The following COL4A2 variants were observed in gnomAD, a reference collection of about 807,000 sequenced individuals.
The protein encoded by COL4A2 is collagen type IV alpha 2 chain, also known as collagen alpha-2(IV) chain.
A neutral mutation model predicts 200.2 loss-of-function variants in COL4A2; 99 were observed. The ratio of observed to expected loss-of-function variants is 0.49; its 90% CI spans 0.42 to 0.58. The LOEUF (loss-of-function observed/expected upper bound fraction) is 0.58, where lower values mean the gene tolerates loss of function less well. Among genes scored for constraint, COL4A2 ranks in the 20% least tolerant of loss-of-function variants. The probability of loss-of-function intolerance (pLI) is 0.00; values close to 1 mark genes in which losing one functional copy is unlikely to be tolerated. For synonymous variants in COL4A2, 897 were observed against 900.6 expected, an observed-to-expected ratio of 1.00 and a Z score of 0.07; for missense variants, 1,950 against 2,314.1, an observed-to-expected ratio of 0.84 and a Z score of 3.23.
chr13:110,378,935 C>T (rs1036404869), intron 4 of COL4A2, among the ~76,000 whole-genome samples: 1 of 152,174 alleles, frequency 6.6e-6, no homozygotes, highest in Non-Finnish European at 1.5e-5. Context: ...GCAGAGCCTC[C>T]GTGTCCCACC....
chr13:110,388,068 T>TG (rs1370410473), intron 4 of COL4A2, among the ~76,000 whole-genome samples: 5 of 152,172 alleles, frequency 3.3e-5, no homozygotes, highest in Non-Finnish European at 4.4e-5. Flanking sequence ...GACTTGACAG[T>TG]GCCACCTTTA....
In COL4A2 at chr13:110,493,079, ATGGG is replaced by A; in HGVS notation, c.3563-129_3563-126del. 1.4e-5 allele frequency: 12 copies of A among 860,488 alleles called. 1 individual carries two copies. The highest frequency in any genetic ancestry group is 4.2e-5 in the South Asian group (3 of 70,938). The allele number at this position is 860,488 out of a possible 1,614,324, so 53.3% of individuals were successfully genotyped here. On this transcript the variant is annotated intron_variant, in intron 38 of 47. Transcript: ENST00000360467. Reference sequence around the variant, plus strand: ...TGAAATAACGATGAGTGACACCCCCATGGGTGAAATAACGATGAGTGACACCCCC... The same window carrying A: ...TGAAATAACGATGAGTGACACCCCCATGAAATAACGATGAGTGACACCCCC...
intron 47 of COL4A2, among the ~76,000 whole-genome samples, chr13:110,509,693 G>A (rs995271108): frequency 6.6e-6 from 1 of 152,096 alleles, no homozygotes; most frequent in Non-Finnish European, 1.5e-5. Flanking sequence ...TTAGCATCAG[G>A]TTTCAAATGA....
chr13:110,385,450 C>T (rs61963173), intron 4 of COL4A2, among the ~76,000 whole-genome samples: 5,183 of 56,894 alleles, frequency 0.091, 621 homozygotes, highest in African/African-American at 0.16. Context: ...TAGACCGTGG[C>T]TGCAGTGTGT....
At chr13:110,464,604 G>A (rs1000288160) in intron 24 of COL4A2, among the ~76,000 whole-genome samples, 11 of 152,124 alleles carry the variant, frequency 7.2e-5, no homozygotes, top group Admixed American at 1.3e-4. Flanking sequence ...TCCCTGCCCC[G>A]CTCCGTCATG....
At chr13:110,464,507 C>T (rs768720112) in intron 24 of COL4A2, among the ~76,000 whole-genome samples, 1 of 152,198 alleles carries the variant, frequency 6.6e-6, no homozygotes, top group Non-Finnish European at 1.5e-5. Context: ...TCTGCAACAG[C>T]CTTGTGTCCC....
intron 3 of COL4A2, among the ~76,000 whole-genome samples, chr13:110,319,638 C>T (rs1044516311): frequency 1.1e-4 from 16 of 152,148 alleles, no homozygotes; most frequent in East Asian, 1.9e-4. Flanking sequence ...GGAAGATTCC[C>T]GCTGGAAATT....
intron 3 of COL4A2, 25 bp downstream of exon 3, chr13:110,308,148 A>G (rs1395204279): frequency 1.2e-6 from 2 of 1,612,452 alleles, no homozygotes; most frequent in Non-Finnish European, 1.7e-6. Context: ...CCGCGCTTGG[A>G]CTTGCGCGCC....
At chr13:110,357,676 G>A in intron 4 of COL4A2, 124 bp downstream of exon 4, 1 of 1,396,004 alleles carries the variant, frequency 7.2e-7, no homozygotes, top group Non-Finnish European at 9.7e-7. Context: ...ACATACTGGA[G>A]AGTACTCACA....
rs187578084 is a variant in COL4A2 at position 110,417,399 on chromosome 13, C to T, written c.181-7335C>T. 1.0e-3 allele frequency among the ~76,000 whole-genome samples: 155 copies of T among 152,246 alleles called. 3 individuals are homozygous for T. The East Asian group carries it at 0.02, about 20-fold the overall frequency. On this transcript the variant is annotated intron_variant, in intron 4 of 47. Transcript: ENST00000360467. ...AACCTGGAAGGGACATAATCTCGGT[C>T]GCCGGGCAACATGCCTGTGATGTCA...
rs763492467 is a variant in COL4A2 at position 110,503,492 on chromosome 13, G to A, written c.4138+11G>A. ...ACCCAGGATTCCCTGGTAAGTGACC[G>A]TCTGGTATCTTCAGAGCTAGTGGCT... On this transcript the variant is annotated intron_variant, in intron 43 of 47. Coordinates refer to ENST00000360467, the MANE Select transcript of COL4A2 (RefSeq NM_001846.4). 71 of 1,494,010 alleles carry A rather than the reference G, an allele frequency of 4.8e-5. No homozygotes were observed. The highest frequency in any genetic ancestry group is 3.3e-4 in the South Asian group (27 of 82,050). 92.5% of individuals were successfully genotyped at this position (1,494,010 alleles called of 1,614,324 possible).
At chr13:110,386,836 G>A (rs1433555171) in intron 4 of COL4A2, among the ~76,000 whole-genome samples, 1 of 152,136 alleles carries the variant, frequency 6.6e-6, no homozygotes, top group Non-Finnish European at 1.5e-5. Context: ...AAGGACGTGC[G>A]AAACCCAGGC....
At chr13:110,406,747 G>A (rs765663859) in intron 4 of COL4A2, among the ~76,000 whole-genome samples, 5 of 151,582 alleles carry the variant, frequency 3.3e-5, no homozygotes, top group African/African-American at 4.9e-5. Context: ...TTTTTTCTCC[G>A]TCACCTATTC....
intron 3 of COL4A2, among the ~76,000 whole-genome samples, chr13:110,333,346 G>A (rs904347901): frequency 2.0e-4 from 30 of 152,182 alleles, no homozygotes; most frequent in African/African-American, 6.8e-4. Flanking sequence ...TTGCAGCCCT[G>A]ATGTCCTGGG....
At chr13:110,418,195 T>C (rs914434940) in intron 4 of COL4A2, among the ~76,000 whole-genome samples, 1 of 152,220 alleles carries the variant, frequency 6.6e-6, no homozygotes, top group African/African-American at 2.4e-5. Context: ...TGCTCAAATC[T>C]TTTGCCAAAT....
chr13:110,510,806 T>C (rs1360697151), intron 47 of COL4A2, among the ~76,000 whole-genome samples: 2 of 152,186 alleles, frequency 1.3e-5, no homozygotes, highest in Non-Finnish European at 2.9e-5. Flanking sequence ...GGTGTCTCCT[T>C]TGGGCAGCTC....
chr13:110,312,921 A>G (rs1168778608), intron 3 of COL4A2, among the ~76,000 whole-genome samples: 1 of 152,230 alleles, frequency 6.6e-6, no homozygotes, highest in African/African-American at 2.4e-5. Context: ...TGATCAACAT[A>G]CCATGAGTAA....
At chr13:110,510,583 G>T (rs191215353) in intron 47 of COL4A2, among the ~76,000 whole-genome samples, 2 of 151,930 alleles carry the variant, frequency 1.3e-5, no homozygotes, top group Non-Finnish European at 2.9e-5. Context: ...ACTTATGCAC[G>T]TGTGTGCATA....
chr13:110,343,055 C>T (rs1043361395), intron 3 of COL4A2, among the ~76,000 whole-genome samples: 2 of 152,150 alleles, frequency 1.3e-5, no homozygotes, highest in East Asian at 1.9e-4. Flanking sequence ...TTAGCCTTAT[C>T]GACAGAGGTT....
Sources: allele counts gnomAD v4.1 joint callset (sites outside exome capture counted in the v4.1 genomes callset), GRCh38; gene constraint gnomAD v4.1.1; transcripts MANE v1.5; gene names NCBI Gene and HGNC (gene_info 2026-07-23, HGNC 2026-07-21).